Variants in DPYSL3 observed in about 807,000 individuals in gnomAD.
The protein encoded by DPYSL3 is dihydropyrimidinase-related protein 3.
A neutral mutation model predicts 66.1 loss-of-function variants in DPYSL3; 16 were observed. The observed-to-expected ratio is 0.24, with a 90% CI of 0.16 to 0.37. The LOEUF (loss-of-function observed/expected upper bound fraction) is 0.37, where lower values mean the gene tolerates loss of function less well. DPYSL3 is among the 10% of genes least tolerant of loss of function. DPYSL3 has a pLI of 1.00. For synonymous variants in DPYSL3, 338 were observed against 345.1 expected (o/e 0.98, Z 0.23); for missense variants, 738 against 916.2 (o/e 0.81, Z 2.51).
chr5:147,502,222 A>G lies in DPYSL3; in HGVS notation c.381+7256T>C, dbSNP rs1753621892. Among the ~76,000 whole-genome samples the G allele has an allele frequency of 2.0e-5, 3 of 152,134 alleles. No homozygotes were observed. In the South Asian group the frequency reaches 6.2e-4, roughly 32 times the overall value. ...CCCCATTCATGAGGGCACCACGCTC[A>G]TGACCAAATCAGTATCATTACCTTG... On this transcript the variant is annotated intron_variant, in intron 1 of 13. Transcript: ENST00000343218.
chr5:147,497,014 C>T (rs149789143), intron 1 of DPYSL3, among the ~76,000 whole-genome samples: 1,760 of 152,098 alleles, frequency 0.012, 65 homozygotes, highest in East Asian at 0.087. Flanking sequence ...TGTCCAACAG[C>T]GATAGACTGA....
chr5:147,486,657 G>C (rs1753333722), intron 1 of DPYSL3, among the ~76,000 whole-genome samples: 2 of 152,096 alleles, frequency 1.3e-5, no homozygotes, highest in South Asian at 4.1e-4. Flanking sequence ...ATAGATTTCT[G>C]ACTGCTATTA....
chr5:147,425,995 C>T (rs1483008598), intron 1 of DPYSL3, among the ~76,000 whole-genome samples: 1 of 148,106 alleles, frequency 6.8e-6, no homozygotes, highest in Admixed American at 6.8e-5. Flanking sequence ...GATATTTCAA[C>T]TCCAACCATC....
chr5:147,418,370 AAG>A, intron 3 of DPYSL3, 75 bp downstream of exon 3: 1 of 1,401,964 alleles, frequency 7.1e-7, no homozygotes, highest in East Asian at 2.3e-5. Context: ...AAGTTATAGT[AAG>A]AGAGTTCTGG....
chr5:147,414,378 A>G lies in DPYSL3; in HGVS notation c.821-721T>C, dbSNP rs138633304. Reference sequence around the variant, plus strand: ...AAAGATCTATTTAGATCTCTCCCCAAATAAACTACTAATACAGTGATTTAC... The same window carrying G: ...AAAGATCTATTTAGATCTCTCCCCAGATAAACTACTAATACAGTGATTTAC... On this transcript the variant is annotated intron_variant, in intron 4 of 13. Coordinates refer to ENST00000343218, the MANE Select transcript of DPYSL3 (RefSeq NM_001197294.2). Among the ~76,000 whole-genome samples, 1,151 of 152,294 alleles carry G rather than the reference A, an allele frequency of 7.6e-3. 15 individuals carry two copies. The highest frequency in any genetic ancestry group is 0.011 in the Admixed American group (165 of 15,304).
chr5:147,442,574 C>T (rs1752553731), intron 1 of DPYSL3, among the ~76,000 whole-genome samples: 1 of 152,028 alleles, frequency 6.6e-6, no homozygotes, highest in South Asian at 2.1e-4. Flanking sequence ...TTTAGTTTGG[C>T]TTCAACTAAA....
Position 147,421,413 on chromosome 5 carries a change from T to A in DPYSL3, c.471-2782A>T, listed in dbSNP as rs561028735. ...TGCTCACAGATAGGAAGAATCAATA[T>A]AATGAAAATGGCCATATTGCCCCAA... On this transcript the variant is annotated intron_variant, in intron 2 of 13. Coordinates refer to ENST00000343218, the MANE Select transcript of DPYSL3 (RefSeq NM_001197294.2). Among the ~76,000 whole-genome samples, 368 of 152,280 alleles carry A rather than the reference T, an allele frequency of 2.4e-3. 2 individuals are homozygous for A. Among genetic ancestry groups the A allele is most frequent in the African/African-American group, 8.6e-3 (357 of 41,552 alleles).
intron 1 of DPYSL3, among the ~76,000 whole-genome samples, chr5:147,496,074 G>A (rs1191371823): frequency 6.6e-6 from 1 of 152,120 alleles, no homozygotes; most frequent in Non-Finnish European, 1.5e-5. Context: ...GAACAGAACA[G>A]AGCCCTCAGA....
At chr5:147,422,499 G>A (rs1752101109) in intron 2 of DPYSL3, among the ~76,000 whole-genome samples, 1 of 152,132 alleles carries the variant, frequency 6.6e-6, no homozygotes, top group Admixed American at 6.5e-5. Flanking sequence ...TCCCATTACT[G>A]GGTATATACC....
intron 1 of DPYSL3, among the ~76,000 whole-genome samples, chr5:147,456,523 T>G (rs953803454): frequency 1.6e-4 from 24 of 151,516 alleles, no homozygotes; most frequent in African/African-American, 5.6e-4. Flanking sequence ...TTGATTTCTC[T>G]CCTTCAATCA....
chr5:147,483,693 A>G (rs1470306301), intron 1 of DPYSL3, among the ~76,000 whole-genome samples: 1 of 152,234 alleles, frequency 6.6e-6, no homozygotes, highest in African/African-American at 2.4e-5. Flanking sequence ...TATTTATTAC[A>G]CAGAATAATG....
intron 1 of DPYSL3, among the ~76,000 whole-genome samples, chr5:147,433,305 G>A (rs944626759): frequency 2.0e-5 from 3 of 152,210 alleles, no homozygotes; most frequent in Admixed American, 6.5e-5. Flanking sequence ...CGAAGCTTGG[G>A]TGGATGGGGA....
At chr5:147,405,539 C>A in intron 8 of DPYSL3, 71 bp downstream of exon 8, 2 of 1,528,124 alleles carry the variant, frequency 1.3e-6, no homozygotes, top group South Asian at 1.3e-5. Flanking sequence ...TTATATTACA[C>A]AGGACAACCA....
chr5:147,500,108 G>T (rs952323268), intron 1 of DPYSL3, among the ~76,000 whole-genome samples: 2 of 151,968 alleles, frequency 1.3e-5, no homozygotes, highest in Non-Finnish European at 2.9e-5. Flanking sequence ...GATGACCTTG[G>T]GTATAGTGAT....
chr5:147,495,928 C>T (rs1753499573), intron 1 of DPYSL3, among the ~76,000 whole-genome samples: 1 of 152,118 alleles, frequency 6.6e-6, no homozygotes, highest in South Asian at 2.1e-4. Flanking sequence ...CAAAAAAGAG[C>T]CCGCATTGCC....
At chr5:147,456,130 C>T (rs974191548) in intron 1 of DPYSL3, among the ~76,000 whole-genome samples, 3 of 152,192 alleles carry the variant, frequency 2.0e-5, no homozygotes. Context: ...CTTGTTTCAT[C>T]CCCTTCAATT....
intron 6 of DPYSL3, among the ~76,000 whole-genome samples, chr5:147,409,766 G>A (rs994676070): frequency 1.2e-4 from 18 of 152,312 alleles, no homozygotes; most frequent in African/African-American, 4.1e-4. Flanking sequence ...CTGGCCTAGT[G>A]ACCTGGGAGT....
chr5:147,505,423 C>CG (rs1224956834), intron 1 of DPYSL3, among the ~76,000 whole-genome samples: 1 of 152,004 alleles, frequency 6.6e-6, no homozygotes, highest in Non-Finnish European at 1.5e-5. Flanking sequence ...TTAGTAGAGA[C>CG]GGGGGTTTCA....
chr5:147,433,074 T>C (rs1401873535), intron 1 of DPYSL3, among the ~76,000 whole-genome samples: 3 of 152,324 alleles, frequency 2.0e-5, no homozygotes, highest in Non-Finnish European at 4.4e-5. Flanking sequence ...GGACAAAATT[T>C]GTCATTATGT....
Sources: allele counts gnomAD v4.1 joint callset (sites outside exome capture counted in the v4.1 genomes callset), GRCh38; gene constraint gnomAD v4.1.1; transcripts MANE v1.5; gene names NCBI Gene and HGNC (gene_info 2026-07-23, HGNC 2026-07-21).